Variants in PHF14 observed in about 807,000 individuals in gnomAD.
The protein encoded by PHF14 is PHD finger protein 14.
A neutral mutation model predicts 117.9 loss-of-function variants in PHF14; 55 were observed. That is an observed-to-expected ratio of 0.47 (90% CI 0.38 to 0.58). The LOEUF (loss-of-function observed/expected upper bound fraction) is 0.58, where lower values mean the gene tolerates loss of function less well. Ranked by LOEUF, PHF14 falls within the 20% of genes least tolerant of loss-of-function variation. The pLI is 0.00. For missense variants in PHF14, 978 were observed against 1,122.2 expected, an observed-to-expected ratio of 0.87 and a Z score of 1.84; for synonymous variants, 409 against 368.6, an observed-to-expected ratio of 1.11 and a Z score of -1.26.
chr7:11,091,341 A>G (rs955190927), intron 16 of PHF14, among the ~76,000 whole-genome samples: 24 of 152,240 alleles, frequency 1.6e-4, no homozygotes, highest in Non-Finnish European at 4.4e-5. Context: ...TAGAAACAGA[A>G]AAAAGATGAG....
At position 11,040,730 on chromosome 7, in the gene PHF14, A is replaced by G. The variant is rs762203275; in HGVS notation, c.2135A>G (p.Glu712Gly). 4 of 1,569,574 alleles carry G rather than the reference A, an allele frequency of 2.5e-6. No homozygotes were observed. The highest frequency in any genetic ancestry group is 2.6e-6 in the Non-Finnish European group (3 of 1,156,172). The change falls in exon 12 of 18, where the codon GAA becomes GGA. Residue 712 changes from glutamate to glycine, a missense_variant. Around this residue, in one of 7 missense-constraint regions of PHF14, gnomAD observed 237 missense variants for 276.4 expected, o/e 0.86. Transcript: ENST00000634607. Reference sequence around the variant, plus strand: ...AAGGAGAGAAAACCAAGTAAAAAAGAAGGAGGCACACAAAAGACATCTACT... The same window carrying G: ...AAGGAGAGAAAACCAAGTAAAAAAGGAGGAGGCACACAAAAGACATCTACT... ...APKERKPSKKEGGTQKTSTLP... is the reference protein window; with the variant it reads ...APKERKPSKKGGGTQKTSTLP...
chr7:11,006,412 A>G (rs1562415685), intron 4 of PHF14: 1 of 525,178 alleles, frequency 1.9e-6, no homozygotes, highest in South Asian at 1.4e-5. Context: ...GATGATCCCA[A>G]TTTTGTTGGC....
chr7:11,034,080 G>C (rs1784224176), intron 7 of PHF14, among the ~76,000 whole-genome samples: 1 of 151,992 alleles, frequency 6.6e-6, no homozygotes, highest in Non-Finnish European at 1.5e-5. Flanking sequence ...ACACATTGCT[G>C]TACTGTGACA....
chr7:11,102,133 T>A (rs903037286), intron 16 of PHF14, among the ~76,000 whole-genome samples: 1 of 151,838 alleles, frequency 6.6e-6, no homozygotes, highest in Non-Finnish European at 1.5e-5. Context: ...CAAATTGAAA[T>A]TTTTCAAAAT....
At chr7:10,997,406 T>C (rs1389014106) in intron 4 of PHF14, among the ~76,000 whole-genome samples, 1 of 152,186 alleles carries the variant, frequency 6.6e-6, no homozygotes, top group African/African-American at 2.4e-5. Flanking sequence ...GGATGTGAAA[T>C]TGAGGGAGGG....
intron 17 of PHF14, among the ~76,000 whole-genome samples, chr7:11,128,193 T>C (rs1164868443): frequency 6.6e-6 from 1 of 152,086 alleles, no homozygotes; most frequent in African/African-American, 2.4e-5. Flanking sequence ...ACCTCATTGC[T>C]ATCTTTTGTG....
rs113546754 is a variant in PHF14, at chr7:11,040,009, C to T, written c.2077-663C>T. Among the ~76,000 whole-genome samples, 447 of 152,192 alleles carry T rather than the reference C, an allele frequency of 2.9e-3. 2 individuals carry two copies. The highest frequency in any genetic ancestry group is 2.4e-3 in the Non-Finnish European group (162 of 67,966). On this transcript the variant is annotated intron_variant, in intron 11 of 17. Transcript: ENST00000634607. ...ATCTCCTGTTTAAAATACTATCTAC[C>T]ATAAAAGACATTTTCATTTATTAAA...
chr7:11,165,908 A>T (rs193255114), intron 17 of PHF14, among the ~76,000 whole-genome samples: 1 of 152,324 alleles, frequency 6.6e-6, no homozygotes, highest in Non-Finnish European at 1.5e-5. Flanking sequence ...TCAGTCTCAT[A>T]TTGCCACCTG....
chr7:10,994,008 C>CAA (rs1166211936), intron 4 of PHF14, among the ~76,000 whole-genome samples: 3 of 81,980 alleles, frequency 3.7e-5, no homozygotes, highest in Non-Finnish European at 2.6e-5. Flanking sequence ...GACTCTGTCT[C>CAA]AAAAAAAAAA....
chr7:11,059,541 C>G (rs1008931270), intron 14 of PHF14, among the ~76,000 whole-genome samples: 1 of 152,074 alleles, frequency 6.6e-6, no homozygotes, highest in East Asian at 1.9e-4. Context: ...TTTGGGAGGC[C>G]AAGGCAGGTG....
intron 17 of PHF14, among the ~76,000 whole-genome samples, chr7:11,124,955 C>G (rs1313396106): frequency 6.6e-6 from 1 of 151,912 alleles, no homozygotes; most frequent in East Asian, 1.9e-4. Flanking sequence ...TATTTTAAAA[C>G]AAATAAGTTG....
At chr7:11,042,571 A>C (rs2128324040) in intron 12 of PHF14, 112 bp from the exon 13 acceptor site, 1 of 657,916 alleles carries the variant, frequency 1.5e-6, no homozygotes, top group East Asian at 3.0e-5. Flanking sequence ...CAACAGAAGA[A>C]ATAGTAAGTT....
At chr7:11,122,009 C>T (rs779952556) in intron 17 of PHF14, among the ~76,000 whole-genome samples, 1 of 151,602 alleles carries the variant, frequency 6.6e-6, no homozygotes, top group African/African-American at 2.4e-5. Flanking sequence ...CACTTCCTCC[C>T]CTTGCCCTAC....
chr7:11,122,440 T>TACATATATATATATAC lies in PHF14; in HGVS notation c.2772+10975_2772+10976insATATATATATATACAC, dbSNP rs1562476591. 4.0e-5 allele frequency among the ~76,000 whole-genome samples: 5 copies of TACATATATATATATAC among 124,698 alleles called. 1 individual carries two copies. Among genetic ancestry groups the TACATATATATATATAC allele is most frequent in the Admixed American group, 3.2e-4 (4 of 12,604 alleles). The allele number at this position is 124,698 out of a possible 152,430, so 81.8% of individuals were successfully genotyped here. ...ATATATATATACACGTATATATATA[T>TACATATATATATATAC]ACGTATATATATATATTGTGTGTGT... On this transcript the variant is annotated intron_variant, in intron 17 of 17. Coordinates refer to ENST00000634607, the MANE Select transcript of PHF14 (RefSeq NM_001007157.2).
At chr7:11,094,720 T>G (rs1786779810) in intron 16 of PHF14, among the ~76,000 whole-genome samples, 1 of 152,112 alleles carries the variant, frequency 6.6e-6, no homozygotes, top group Admixed American at 6.5e-5. Context: ...CATTTCACCT[T>G]TAGCAAACCT....
intron 4 of PHF14, among the ~76,000 whole-genome samples, chr7:10,999,318 A>G (rs545479994): frequency 2.6e-5 from 4 of 152,262 alleles, no homozygotes; most frequent in African/African-American, 9.6e-5. Context: ...TAGTCCCTGG[A>G]GATATTTGAA....
intron 16 of PHF14, among the ~76,000 whole-genome samples, chr7:11,091,968 G>A (rs1054610521): frequency 2.6e-5 from 4 of 152,144 alleles, no homozygotes; most frequent in African/African-American, 7.2e-5. Flanking sequence ...TTAGGTAGGT[G>A]TCCTTGGTTT....
At chr7:11,123,611 C>A (rs1279548096) in intron 17 of PHF14, among the ~76,000 whole-genome samples, 2 of 152,228 alleles carry the variant, frequency 1.3e-5, no homozygotes, top group Middle Eastern at 3.4e-3. Context: ...GAAACCATAT[C>A]TCTACTAAAA....
chr7:10,974,905 T>C lies in PHF14; in HGVS notation c.72T>C (p.Asp24=). 1.3e-6 allele frequency: 2 copies of C among 1,588,384 alleles called. No individual in the cohort carries two copies. The highest frequency in any genetic ancestry group is 1.7e-6 in the Non-Finnish European group (2 of 1,164,484). Residue 24 remains aspartate (D), a synonymous_variant, in exon 2 of 18, where the codon GAT becomes GAC. Coordinates refer to ENST00000634607, the MANE Select transcript of PHF14 (RefSeq NM_001007157.2). ...CTCTGCTGGAAGCTCTTGATTATGA[T>C]AGTTCAGATGACAGTGATTTTAAAG... ...AASLLEALDY[D]SSDDSDFKVG...
Sources: gnomAD v4.1 joint callset for allele counts (sites outside exome capture counted in the v4.1 genomes callset) on GRCh38, gnomAD v4.1.1 for gene constraint, gnomAD v4.1.1 regional missense constraint, MANE v1.5 for transcripts, NCBI Gene and HGNC (gene_info 2026-07-23, HGNC 2026-07-21) for gene names.